FAM72B: variants seen among roughly 807,000 people sequenced by gnomAD.
FAM72B encodes RUMY family member 2.
A neutral mutation model predicts 12.6 loss-of-function variants in FAM72B; 4 were observed. The observed-to-expected ratio is 0.32, with a 90% CI of 0.16 to 0.73. FAM72B has a LOEUF of 0.73. FAM72B is among the 30% of genes least tolerant of loss of function. The pLI is 0.67. For missense variants in FAM72B, 61 were observed against 158.4 expected (o/e 0.39, Z 3.30); for synonymous variants, 13 against 53.9 (o/e 0.24, Z 3.32).
At chr1:121,174,956 T>C (rs1390209587) in intron 3 of FAM72B, among the ~76,000 whole-genome samples, 1 of 152,106 alleles carries the variant, frequency 6.6e-6, no homozygotes, top group Non-Finnish European at 1.5e-5. Context: ...CAGAGATTTT[T>C]AATATACACA....
At chr1:121,169,912 A>T (rs1398623332) in intron 3 of FAM72B, among the ~76,000 whole-genome samples, 4 of 152,218 alleles carry the variant, frequency 2.6e-5, no homozygotes, top group Admixed American at 6.5e-5. Context: ...AGTTAAAAAC[A>T]CTAAATGGAA....
chr1:121,170,017 C>T (rs1255173324), intron 3 of FAM72B, among the ~76,000 whole-genome samples: 3 of 151,976 alleles, frequency 2.0e-5, no homozygotes, highest in African/African-American at 7.3e-5. Flanking sequence ...ATTGCCCAGG[C>T]TGGAGACGAG....
At chr1:121,169,758 AAACAAAAG>A (rs1654053471) in intron 3 of FAM72B, among the ~76,000 whole-genome samples, 1 of 151,770 alleles carries the variant, frequency 6.6e-6, no homozygotes, top group Non-Finnish European at 1.5e-5. Flanking sequence ...TCACTATAAT[AAACAAAAG>A]AATAATCAAA....
chr1:121,174,805 T>C (rs2748914), intron 3 of FAM72B, among the ~76,000 whole-genome samples: 84,630 of 131,652 alleles, frequency 0.64, 27,633 homozygotes, highest in East Asian at 0.77. Flanking sequence ...TGTACCACCA[T>C]GCCCAGCTAA....
chr1:121,174,369 C>CTT (rs56969749), intron 3 of FAM72B, among the ~76,000 whole-genome samples: 60 of 141,948 alleles, frequency 4.2e-4, no homozygotes, highest in African/African-American at 1.5e-3. Flanking sequence ...CTTTTCTTTT[C>CTT]TTTTTTTTTT....
chr1:121,183,211 A>T (rs1553317935), intron 1 of FAM72B, 127 bp downstream of exon 1: 3 of 336,408 alleles, frequency 8.9e-6, no homozygotes, highest in Non-Finnish European at 1.5e-5. Context: ...TTCCAAGGGG[A>T]TCATCAAACT....
Position 121,168,799 on chromosome 1 carries a change from A to G in FAM72B, c.392T>C (p.Ile131Thr), listed in dbSNP as rs56354646. Residue 131 changes from isoleucine to threonine, a missense_variant, in exon 4 of 4, where the codon ATA becomes ACA. Around this residue, in one of 2 missense-constraint regions of FAM72B, gnomAD observed 49 missense variants for 80.4 expected, o/e 0.61. Transcript: ENST00000369390. The part of the protein sequence containing the change: ...NILLWGNLPE[I>T]EESTDEDVLN... ...CACATCTTCATCTGTACTCTCTTCT[A>G]TCTCTGGCAAGTTGCCCCAAAGTAG... 0.021 allele frequency: 33,410 copies of G among 1,607,396 alleles called. 455 individuals carry two copies. The highest frequency in any genetic ancestry group is 0.025 in the Non-Finnish European group (29,422 of 1,178,286).
intron 3 of FAM72B, among the ~76,000 whole-genome samples, chr1:121,170,179 C>T (rs1553316019): frequency 6.7e-6 from 1 of 149,964 alleles, no homozygotes; most frequent in Admixed American, 6.7e-5. Context: ...CCACGTTGGT[C>T]AGGGTGGTCT....
chr1:121,183,657 G>C lies in FAM72B; in HGVS notation c.-168C>G. 1.4e-6 allele frequency: 2 copies of C among 1,418,756 alleles called. No homozygotes were observed. Among genetic ancestry groups the C allele is most frequent in the Non-Finnish European group, 9.5e-7 (1 of 1,057,342 alleles). The allele number at this position is 1,418,756 out of a possible 1,614,324, so 87.9% of individuals were successfully genotyped here. ...TTTTTTTTCTGTTTTCCCGGTGGCG[G>C]AGTAGAAGAAGTATTTATTGAGTAG... On this transcript the variant is annotated 5_prime_UTR_variant, in exon 1 of 4. Coordinates refer to ENST00000369390, the MANE Select transcript of FAM72B (RefSeq NM_001100910.2).
chr1:121,179,877 T>C (rs1201281261), intron 2 of FAM72B, among the ~76,000 whole-genome samples: 3 of 143,680 alleles, frequency 2.1e-5, no homozygotes, highest in Admixed American at 6.8e-5. Context: ...CAAAGGCCAG[T>C]GACTTCATCT....
Position 121,183,575 on chromosome 1 carries a change from T to C in FAM72B, c.-86A>G. On this transcript the variant is annotated 5_prime_UTR_variant, in exon 1 of 4. Coordinates refer to ENST00000369390, the MANE Select transcript of FAM72B (RefSeq NM_001100910.2). ...CTATTTTGATTCCCCTAGGCTAAAA[T>C]TCAAGTTGCGGGACCTAGAGCTTTT... 6.2e-7 allele frequency: 1 copy of C among 1,610,028 alleles called. No homozygotes were observed. Among genetic ancestry groups the C allele is most frequent in the Non-Finnish European group, 8.5e-7 (1 of 1,178,748 alleles).
intron 3 of FAM72B, among the ~76,000 whole-genome samples, chr1:121,174,741 C>T (rs1390061523): frequency 6.9e-6 from 1 of 145,004 alleles, no homozygotes; most frequent in African/African-American, 2.6e-5. Context: ...ACTTCAAACT[C>T]CACCTCCTGG....
chr1:121,168,691 A>C lies in FAM72B; in HGVS notation c.*50T>G. On this transcript the variant is annotated 3_prime_UTR_variant, in exon 4 of 4. Coordinates refer to ENST00000369390, the MANE Select transcript of FAM72B (RefSeq NM_001100910.2). ...ACAATTTTAAAGTTGATCCATTAAT[A>C]TATTTTTAAATAGAAAAAAGTTTGT... The C allele has an allele frequency of 2.3e-6, 3 of 1,332,680 alleles. No homozygotes were observed. Among genetic ancestry groups the C allele is most frequent in the Non-Finnish European group, 3.0e-6 (3 of 1,011,042 alleles). 82.6% of individuals were successfully genotyped at this position (1,332,680 alleles called of 1,614,324 possible).
At chr1:121,173,174 T>C (rs1480644539) in intron 3 of FAM72B, among the ~76,000 whole-genome samples, 1 of 143,568 alleles carries the variant, frequency 7.0e-6, no homozygotes, top group Non-Finnish European at 1.5e-5. Flanking sequence ...TGTACTTTCT[T>C]ACTAAAATAA....
In FAM72B at chr1:121,168,837, T is replaced by G. The variant is rs1428944688; in HGVS notation, c.356-2A>C. 14 of 1,605,120 alleles carry G rather than the reference T, an allele frequency of 8.7e-6. No homozygotes were observed. The African/African-American group carries it at 1.2e-4, about 14-fold the overall frequency. The stretch of plus-strand genomic sequence containing the variant: ...TGCCCCAAAGTAGGATGTTTACACC[T>G]GAAAATAAAAAATCATAAAATTCTT... On this transcript the variant is annotated splice_acceptor_variant, in intron 3 of 3. Coordinates refer to ENST00000369390, the MANE Select transcript of FAM72B (RefSeq NM_001100910.2). LOFTEE classifies it high-confidence loss of function.
intron 2 of FAM72B, among the ~76,000 whole-genome samples, chr1:121,179,822 C>T (rs1654294430): frequency 2.1e-5 from 3 of 140,282 alleles, no homozygotes; most frequent in African/African-American, 2.8e-5. Context: ...AGCAAAACTC[C>T]GTCTTAAAAA....
At chr1:121,178,598 C>T (rs1417683338) in intron 2 of FAM72B, among the ~76,000 whole-genome samples, 9 of 126,990 alleles carry the variant, frequency 7.1e-5, no homozygotes, top group African/African-American at 2.7e-4. Flanking sequence ...CTTTAATTAC[C>T]GCCTATATTC....
chr1:121,179,862 A>G (rs1427773936), intron 2 of FAM72B, among the ~76,000 whole-genome samples: 1 of 146,236 alleles, frequency 6.8e-6, no homozygotes, highest in East Asian at 2.0e-4. Context: ...GAAGAAAATA[A>G]TGTCCAAAGG....
rs1654390538 is a variant in FAM72B, at chr1:121,183,662, G to A, written c.-173C>T. 3 of 1,345,848 alleles carry A rather than the reference G, an allele frequency of 2.2e-6. No homozygotes were observed. The South Asian group carries it at 4.5e-5, about 20-fold the overall frequency. 83.4% of individuals were successfully genotyped at this position (1,345,848 alleles called of 1,614,324 possible). A position where few individuals can be genotyped will look rare whatever the true frequency, so the allele number is the denominator to read the frequency against. ...TTTCTGTTTTCCCGGTGGCGGAGTA[G>A]AAGAAGTATTTATTGAGTAGGAACA... is the stretch of plus-strand genomic sequence containing the variant. On this transcript the variant is annotated 5_prime_UTR_variant, in exon 1 of 4. Transcript: ENST00000369390.
Sources: allele counts gnomAD v4.1 joint callset (sites outside exome capture counted in the v4.1 genomes callset), GRCh38; gene constraint gnomAD v4.1.1; regional missense constraint gnomAD v4.1.1; transcripts MANE v1.5; gene names NCBI Gene and HGNC (gene_info 2026-07-23, HGNC 2026-07-21).